Variants in KCNU1 observed in about 807,000 individuals in gnomAD.
The protein encoded by KCNU1 is potassium calcium-activated channel subfamily U member 1.
Under a neutral mutation model 126.8 loss-of-function variants are expected in KCNU1, and 93 were observed. The ratio of observed to expected loss-of-function variants is 0.73; its 90% CI spans 0.62 to 0.87. The LOEUF is 0.87. Among genes scored for constraint, KCNU1 ranks in the 40% least tolerant of loss-of-function variants. KCNU1 has a pLI of 0.00. For synonymous variants in KCNU1, 523 were observed against 494.2 expected, an observed-to-expected ratio of 1.06 and a Z score of -0.77; for missense variants, 1,330 against 1,367.1, an observed-to-expected ratio of 0.97 and a Z score of 0.43.
chr8:36,821,191 G>A (rs142997635), intron 10 of KCNU1, among the ~76,000 whole-genome samples: 31 of 152,314 alleles, frequency 2.0e-4, no homozygotes, highest in African/African-American at 7.2e-4. Flanking sequence ...AGGGAAGCAT[G>A]ATGACTCAGG....
intron 10 of KCNU1, among the ~76,000 whole-genome samples, chr8:36,826,833 C>T (rs1367764134): frequency 2.0e-5 from 3 of 151,992 alleles, no homozygotes; most frequent in African/African-American, 4.8e-5. Flanking sequence ...GGTATTAACC[C>T]CAGTACCCAT....
chr8:36,900,616 A>C (rs1019951225), intron 19 of KCNU1, among the ~76,000 whole-genome samples: 4 of 152,078 alleles, frequency 2.6e-5, no homozygotes, highest in African/African-American at 9.7e-5. Context: ...CAGAATTGAC[A>C]ATAAGTGAGT....
At chr8:36,886,414 C>T (rs1185337452) in intron 19 of KCNU1, among the ~76,000 whole-genome samples, 1 of 152,118 alleles carries the variant, frequency 6.6e-6, no homozygotes, top group South Asian at 2.1e-4. Context: ...TTTATAAATT[C>T]GGAAAGGAGA....
intron 3 of KCNU1, among the ~76,000 whole-genome samples, chr8:36,804,714 C>A (rs932713453): frequency 2.6e-5 from 4 of 152,126 alleles, no homozygotes; most frequent in African/African-American, 9.7e-5. Flanking sequence ...GAAAGCCAAG[C>A]AACTTTAGAG....
At chr8:36,785,208 A>G (rs1802671682) in intron 1 of KCNU1, among the ~76,000 whole-genome samples, 1 of 152,224 alleles carries the variant, frequency 6.6e-6, no homozygotes, top group Non-Finnish European at 1.5e-5. Context: ...GCAAATGATG[A>G]TGATGAGAAT....
intron 19 of KCNU1, among the ~76,000 whole-genome samples, chr8:36,872,946 C>T (rs974322424): frequency 8.6e-5 from 13 of 151,928 alleles, no homozygotes; most frequent in Non-Finnish European, 1.9e-4. Context: ...GGTGAAACCC[C>T]GTCACGCCTG....
chr8:36,859,073 G>A (rs951520529), intron 18 of KCNU1, among the ~76,000 whole-genome samples: 4 of 152,110 alleles, frequency 2.6e-5, no homozygotes, highest in African/African-American at 9.7e-5. Flanking sequence ...GCCAGATGAT[G>A]GCAGCAGAGT....
At chr8:36,806,940 A>G (rs1803523466) in intron 5 of KCNU1, among the ~76,000 whole-genome samples, 1 of 152,212 alleles carries the variant, frequency 6.6e-6, no homozygotes, top group Admixed American at 6.5e-5. Context: ...TCATACAAAC[A>G]TTGTGAAGCA....
chr8:36,831,852 G>A (rs1263189650), intron 10 of KCNU1, among the ~76,000 whole-genome samples: 1 of 151,372 alleles, frequency 6.6e-6, no homozygotes, highest in Non-Finnish European at 1.5e-5. Flanking sequence ...TGTCCTGAAT[G>A]GTAATGCCTA....
chr8:36,861,477 T>C (rs1451362907), intron 18 of KCNU1, among the ~76,000 whole-genome samples: 1 of 152,182 alleles, frequency 6.6e-6, no homozygotes, highest in East Asian at 1.9e-4. Context: ...TGATCATGAA[T>C]GGATACATAA....
intron 19 of KCNU1, among the ~76,000 whole-genome samples, chr8:36,873,382 C>T (rs375517683): frequency 2.0e-5 from 3 of 152,026 alleles, no homozygotes; most frequent in African/African-American, 7.2e-5. Context: ...AAAGACACAA[C>T]CATAATTGTC....
At chr8:36,829,960 T>TAACCAC (rs1804470210) in intron 10 of KCNU1, among the ~76,000 whole-genome samples, 1 of 150,644 alleles carries the variant, frequency 6.6e-6, no homozygotes, top group South Asian at 2.1e-4. Flanking sequence ...GTCTTATATC[T>TAACCAC]AACCACATAA....
chr8:36,920,889 A>G (rs11991372), intron 23 of KCNU1, among the ~76,000 whole-genome samples: 1,942 of 152,334 alleles, frequency 0.013, 33 homozygotes, highest in African/African-American at 0.044. Context: ...CACTTCATTC[A>G]TTAATGTCAC....
chr8:36,840,867 G>A, intron 15 of KCNU1, 65 bp from the exon 16 acceptor site: 1 of 1,074,654 alleles, frequency 9.3e-7, no homozygotes, highest in Non-Finnish European at 1.5e-6. Flanking sequence ...AGAGCACAGA[G>A]TGTTAGTTAT....
intron 25 of KCNU1, 55 bp downstream of exon 25, chr8:36,931,200 C>A: frequency 7.5e-7 from 1 of 1,324,594 alleles, no homozygotes; most frequent in South Asian, 1.4e-5. Flanking sequence ...CTCTGAGCTT[C>A]TGAAAATGGT....
Position 36,826,727 on chromosome 8 carries a change from T to G in KCNU1, c.1107-6827T>G, listed in dbSNP as rs1314909935. 2.0e-5 allele frequency among the ~76,000 whole-genome samples: 3 copies of G among 152,168 alleles called. No homozygotes were observed. The East Asian group carries it at 5.8e-4, about 29-fold the overall frequency. On this transcript the variant is annotated intron_variant, in intron 10 of 26. Coordinates refer to ENST00000399881, the MANE Select transcript of KCNU1 (RefSeq NM_001031836.3). Reference sequence around the variant, plus strand: ...ATTTGATTCTTTTTTTTAAAAAAAGTAACTTTTATTTTCATTTCAGGGGTA... The same window carrying G: ...ATTTGATTCTTTTTTTTAAAAAAAGGAACTTTTATTTTCATTTCAGGGGTA...
In KCNU1 at chr8:36,899,328, A is replaced by T. The variant is rs146558690; in HGVS notation, c.2010-6380A>T. 5.9e-3 allele frequency among the ~76,000 whole-genome samples: 899 copies of T among 152,170 alleles called. 10 individuals are homozygous for T. The highest frequency in any genetic ancestry group is 0.021 in the African/African-American group (869 of 41,542). On this transcript the variant is annotated intron_variant, in intron 19 of 26. Coordinates refer to ENST00000399881, the MANE Select transcript of KCNU1 (RefSeq NM_001031836.3). Reference sequence around the variant, plus strand: ...TTCGTGGAGATTTTAGATTGTAAACATTGAAAACAGAGGCCATGAGTTTGA... The same window carrying T: ...TTCGTGGAGATTTTAGATTGTAAACTTTGAAAACAGAGGCCATGAGTTTGA...
Position 36,831,328 on chromosome 8 carries a change from C to T in KCNU1, c.1107-2226C>T, listed in dbSNP as rs1213305898. On this transcript the variant is annotated intron_variant, in intron 10 of 26. Coordinates refer to ENST00000399881, the MANE Select transcript of KCNU1 (RefSeq NM_001031836.3). The stretch of plus-strand genomic sequence containing the variant: ...TTCTAGTTCTAGATCCCTGAGGAAT[C>T]GCCACACTGACTTCCACAATGGTTG... 3.3e-5 allele frequency among the ~76,000 whole-genome samples: 5 copies of T among 151,868 alleles called. No individual in the cohort carries two copies. In the East Asian group the frequency reaches 5.8e-4, roughly 18 times the overall value.
intron 19 of KCNU1, among the ~76,000 whole-genome samples, chr8:36,894,325 A>C (rs1457718017): frequency 1.3e-5 from 2 of 152,150 alleles, no homozygotes; most frequent in Non-Finnish European, 2.9e-5. Context: ...TTTTAAAAGA[A>C]CATCTTAGCA....
Sources: allele counts gnomAD v4.1 joint callset (sites outside exome capture counted in the v4.1 genomes callset), GRCh38; gene constraint gnomAD v4.1.1; transcripts MANE v1.5; gene names NCBI Gene and HGNC (gene_info 2026-07-23, HGNC 2026-07-21).